GATAD2B: variants seen among roughly 807,000 people sequenced by gnomAD.
GATAD2B encodes the protein GATA zinc finger domain containing 2B.
GATAD2B carries 8 observed loss-of-function variants against 64.3 expected under a neutral mutation model. The observed-to-expected ratio is 0.12, with a 90% CI of 0.07 to 0.22. The LOEUF (loss-of-function observed/expected upper bound fraction) is 0.22, where lower values mean the gene tolerates loss of function less well. Among genes scored for constraint, GATAD2B ranks in the 10% least tolerant of loss-of-function variants. GATAD2B has a pLI of 1.00. For missense variants in GATAD2B, 453 were observed against 752.0 expected, an observed-to-expected ratio of 0.60 and a Z score of 4.65; for synonymous variants, 281 against 271.3, an observed-to-expected ratio of 1.04 and a Z score of -0.35.
In GATAD2B at chr1:153,866,555, C is replaced by T. The variant is rs569051296; in HGVS notation, c.-1-38207G>A. Among the ~76,000 whole-genome samples, 3 of 152,296 alleles carry T rather than the reference C, an allele frequency of 2.0e-5. 1 individual carries two copies. The South Asian group carries it at 6.2e-4, about 32-fold the overall frequency. On this transcript the variant is annotated intron_variant, in intron 1 of 10. Coordinates refer to ENST00000368655, the MANE Select transcript of GATAD2B (RefSeq NM_020699.4). ...GCAAACCAGATGGCTGAGCTCGTTC[C>T]AAGCTATCTAATGCTTCCTATTATC... is the stretch of plus-strand genomic sequence containing the variant.
Position 153,881,484 on chromosome 1 carries a change from T to C in GATAD2B, c.-2+41249A>G, listed in dbSNP as rs756322735. Among the ~76,000 whole-genome samples the C allele has an allele frequency of 3.3e-5, 5 of 152,284 alleles. No homozygotes were observed. The South Asian group carries it at 1.0e-3, about 32-fold the overall frequency. ...GAAAGGAGCTTTGTATGAGAAACAA[T>C]AATTCTGCAACAAATTTTTTTAAAG... On this transcript the variant is annotated intron_variant, in intron 1 of 10. Coordinates refer to ENST00000368655, the MANE Select transcript of GATAD2B (RefSeq NM_020699.4).
chr1:153,871,350 C>T lies in GATAD2B; in HGVS notation c.-1-43002G>A, dbSNP rs867418417. 5.6e-4 allele frequency among the ~76,000 whole-genome samples: 84 copies of T among 150,572 alleles called. 1 individual carries two copies. In the Middle Eastern group the frequency reaches 0.033, roughly 60 times the overall value. On this transcript the variant is annotated intron_variant, in intron 1 of 10. Transcript: ENST00000368655. ...AAAGTGCTGGGATTACAGGCGTGAG[C>T]GACCACACCCGGCCACTTGTTTTTT...
At chr1:153,842,149 T>C (rs1163248514) in intron 1 of GATAD2B, among the ~76,000 whole-genome samples, 1 of 152,228 alleles carries the variant, frequency 6.6e-6, no homozygotes, top group Non-Finnish European at 1.5e-5. Flanking sequence ...GGTGTCATTA[T>C]TTCTTACTTA....
intron 1 of GATAD2B, among the ~76,000 whole-genome samples, chr1:153,854,602 A>C (rs1295407307): frequency 6.6e-6 from 1 of 152,224 alleles, no homozygotes; most frequent in Non-Finnish European, 1.5e-5. Context: ...TTAAAAATTA[A>C]AAAATAGTTG....
At chr1:153,839,719 C>T (rs1270826128) in intron 1 of GATAD2B, among the ~76,000 whole-genome samples, 1 of 152,120 alleles carries the variant, frequency 6.6e-6, no homozygotes, top group East Asian at 1.9e-4. Flanking sequence ...CCTGTAATCC[C>T]AGCATTTTGG....
chr1:153,857,335 A>G (rs974572672), intron 1 of GATAD2B, among the ~76,000 whole-genome samples: 3 of 151,836 alleles, frequency 2.0e-5, no homozygotes, highest in African/African-American at 7.3e-5. Context: ...AGTCCCAGCT[A>G]CTCGGGAGGC....
intron 1 of GATAD2B, chr1:153,853,018 CCT>C (rs1675958310): frequency 1.5e-6 from 2 of 1,325,662 alleles, no homozygotes; most frequent in Non-Finnish European, 2.2e-6. Flanking sequence ...GTCCATCAAC[CCT>C]GTGATGAATC....
chr1:153,899,489 C>T (rs1677700841), intron 1 of GATAD2B, among the ~76,000 whole-genome samples: 1 of 151,728 alleles, frequency 6.6e-6, no homozygotes, highest in Non-Finnish European at 1.5e-5. Flanking sequence ...ATTGCTTGAA[C>T]CCAGGATGTG....
intron 1 of GATAD2B, among the ~76,000 whole-genome samples, chr1:153,911,646 G>C (rs1173933024): frequency 6.6e-6 from 1 of 152,086 alleles, no homozygotes; most frequent in African/African-American, 2.4e-5. Context: ...TGAGGCAGGA[G>C]ATTCACTTGA....
intron 1 of GATAD2B, among the ~76,000 whole-genome samples, chr1:153,918,195 A>G (rs769594115): frequency 7.2e-5 from 11 of 152,228 alleles, no homozygotes; most frequent in Non-Finnish European, 2.9e-5. Flanking sequence ...CTTAAAGGCT[A>G]TTGCAAGGAC....
intron 1 of GATAD2B, among the ~76,000 whole-genome samples, chr1:153,884,786 C>A (rs1184363155): frequency 6.6e-6 from 1 of 152,010 alleles, no homozygotes; most frequent in Non-Finnish European, 1.5e-5. Flanking sequence ...TCGAGACAGT[C>A]TCGCTCCGTT....
At chr1:153,810,963 T>A (rs185882347) in intron 10 of GATAD2B, among the ~76,000 whole-genome samples, 1 of 149,890 alleles carries the variant, frequency 6.7e-6, no homozygotes, top group Admixed American at 6.6e-5. Context: ...TGGGGTTTCA[T>A]CATGTTGGCC....
chr1:153,914,554 C>T (rs1489443273), intron 1 of GATAD2B: 1 of 152,130 alleles, frequency 6.6e-6, no homozygotes, highest in Non-Finnish European at 1.5e-5. Flanking sequence ...ATTTTCTAAA[C>T]CCATAGGAGT....
chr1:153,832,114 C>G (rs1675098102), intron 1 of GATAD2B, among the ~76,000 whole-genome samples: 1 of 152,054 alleles, frequency 6.6e-6, no homozygotes, highest in African/African-American at 2.4e-5. Flanking sequence ...ATTTGGGAGG[C>G]TGAGGCAGGA....
chr1:153,887,027 AGTCTAT>A (rs1677205566), intron 1 of GATAD2B, among the ~76,000 whole-genome samples: 1 of 152,146 alleles, frequency 6.6e-6, no homozygotes, highest in African/African-American at 2.4e-5. Context: ...GAGTCGGTCC[AGTCTAT>A]TTGGAGAAAT....
chr1:153,874,234 C>A (rs573630998), intron 1 of GATAD2B, among the ~76,000 whole-genome samples: 6 of 151,506 alleles, frequency 4.0e-5, no homozygotes, highest in African/African-American at 1.5e-4. Context: ...TGCACTCCAG[C>A]CTGGGAGACA....
At chr1:153,861,794 A>AAT (rs1553194152) in intron 1 of GATAD2B, among the ~76,000 whole-genome samples, 2 of 94,814 alleles carry the variant, frequency 2.1e-5, no homozygotes, top group African/African-American at 7.0e-5. Context: ...AAAAAAAAAA[A>AAT]AATATATATA....
intron 1 of GATAD2B, among the ~76,000 whole-genome samples, chr1:153,870,556 G>C (rs925012042): frequency 2.0e-5 from 3 of 152,048 alleles, no homozygotes; most frequent in African/African-American, 7.2e-5. Flanking sequence ...CTGGGTGACA[G>C]AGCCAGACTC....
chr1:153,830,929 A>G (rs529427254), intron 1 of GATAD2B, among the ~76,000 whole-genome samples: 24 of 152,128 alleles, frequency 1.6e-4, no homozygotes, highest in African/African-American at 5.5e-4. Flanking sequence ...GTGCCACCAC[A>G]CTGGGCTAAT....
Sources: gnomAD v4.1 joint callset for allele counts (sites outside exome capture counted in the v4.1 genomes callset) on GRCh38, gnomAD v4.1.1 for gene constraint, MANE v1.5 for transcripts, NCBI Gene and HGNC (gene_info 2026-07-23, HGNC 2026-07-21) for gene names.